The following KCNIP4 variants were observed in gnomAD, a reference collection of about 807,000 sequenced individuals.
KCNIP4 encodes potassium voltage-gated channel interacting protein 4, also known as Kv channel-interacting protein 4.
Under a neutral mutation model 34.0 loss-of-function variants are expected in KCNIP4, and 12 were observed. The observed-to-expected ratio is 0.35, with a 90% CI of 0.23 to 0.57. The LOEUF (loss-of-function observed/expected upper bound fraction) is 0.57. Among genes scored for constraint, KCNIP4 ranks in the 20% least tolerant of loss-of-function variants. KCNIP4 has a pLI of 0.83. For missense variants in KCNIP4, 238 were observed against 311.7 expected (o/e 0.76, Z 1.78); for synonymous variants, 124 against 102.2 (o/e 1.21, Z -1.29).
rs149045764 is a variant in KCNIP4, at chr4:21,924,498, C to T, written c.61+24073G>A. On this transcript the variant is annotated intron_variant, in intron 1 of 8. Transcript: ENST00000382152. Reference sequence around the variant, plus strand: ...TGACCTCATGATCTGTCCGTCTCGGCCTCCCAAAGTGCTGGGATTACAGGT... The same window carrying T: ...TGACCTCATGATCTGTCCGTCTCGGTCTCCCAAAGTGCTGGGATTACAGGT... 7.8e-3 allele frequency among the ~76,000 whole-genome samples: 1,183 copies of T among 152,170 alleles called. 10 individuals carry two copies. The highest frequency in any genetic ancestry group is 0.014 in the South Asian group (66 of 4,820).
rs1369523834 is a variant in KCNIP4, at chr4:21,269,743, TAAATTAG to T, written c.62-387041_62-387035del. Among the ~76,000 whole-genome samples the T allele has an allele frequency of 4.6e-5, 7 of 152,162 alleles. No homozygotes were observed. The South Asian group carries it at 1.2e-3, about 27-fold the overall frequency. ...TGAATACTGCCACATCTCGATAACC[TAAATTAG>T]AAATTTACAGGAAGAGAAGAAATAC... On this transcript the variant is annotated intron_variant, in intron 1 of 8. Coordinates refer to ENST00000382152, the MANE Select transcript of KCNIP4 (RefSeq NM_025221.6).
At chr4:21,779,072 C>T (rs899842883) in intron 1 of KCNIP4, among the ~76,000 whole-genome samples, 21 of 152,014 alleles carry the variant, frequency 1.4e-4, no homozygotes, top group African/African-American at 4.8e-4. Flanking sequence ...TTGCCTCTTC[C>T]TGTTTTCTAT....
chr4:21,112,142 T>C (rs1047977186), intron 1 of KCNIP4, among the ~76,000 whole-genome samples: 1 of 151,952 alleles, frequency 6.6e-6, no homozygotes, highest in Non-Finnish European at 1.5e-5. Flanking sequence ...AAGATCATAG[T>C]CAAGTTTAAG....
intron 6 of KCNIP4, 126 bp from the exon 7 acceptor site, chr4:20,732,911 A>G (rs931569957): frequency 3.3e-6 from 2 of 609,754 alleles, no homozygotes; most frequent in East Asian, 2.8e-5. Context: ...ATTCTTTGTT[A>G]GACGACTGTT....
chr4:21,500,610 G>T (rs1173631419), intron 1 of KCNIP4, among the ~76,000 whole-genome samples: 2 of 152,084 alleles, frequency 1.3e-5, no homozygotes, highest in Non-Finnish European at 2.9e-5. Flanking sequence ...TAGAAAACTT[G>T]TTTAAATGTA....
chr4:21,001,022 A>T (rs1738084813), intron 1 of KCNIP4, among the ~76,000 whole-genome samples: 1 of 152,174 alleles, frequency 6.6e-6, no homozygotes, highest in South Asian at 2.1e-4. Context: ...TGTTTTTCCC[A>T]CTAGGCTCTA....
At chr4:21,856,618 G>C (rs773742564) in intron 1 of KCNIP4, among the ~76,000 whole-genome samples, 1 of 152,172 alleles carries the variant, frequency 6.6e-6, no homozygotes, top group African/African-American at 2.4e-5. Flanking sequence ...TTGGGGGCTG[G>C]AAGTAGGCAG....
At chr4:21,508,380 C>T (rs1460480) in intron 1 of KCNIP4, among the ~76,000 whole-genome samples, 10,793 of 152,122 alleles carry the variant, frequency 0.071, 1,197 homozygotes, top group African/African-American at 0.24. Flanking sequence ...CCAAGCTCAC[C>T]GGAAATATAA....
chr4:21,487,078 G>C (rs1731985200), intron 1 of KCNIP4, among the ~76,000 whole-genome samples: 1 of 152,076 alleles, frequency 6.6e-6, no homozygotes, highest in Non-Finnish European at 1.5e-5. Context: ...TGGGATTACA[G>C]GTGTGAGCCT....
At chr4:20,746,470 A>G (rs1289012702) in intron 5 of KCNIP4, among the ~76,000 whole-genome samples, 1 of 152,008 alleles carries the variant, frequency 6.6e-6, no homozygotes, top group Non-Finnish European at 1.5e-5. Context: ...GTGTATACCT[A>G]TGTGACAAAA....
chr4:21,015,876 A>G (rs1214997443), intron 1 of KCNIP4, among the ~76,000 whole-genome samples: 1 of 141,906 alleles, frequency 7.0e-6, no homozygotes, highest in Non-Finnish European at 1.5e-5. Context: ...ATAAAAATAT[A>G]TAAATATATA....
intron 2 of KCNIP4, among the ~76,000 whole-genome samples, chr4:20,860,623 C>T (rs1172723137): frequency 6.6e-6 from 1 of 152,168 alleles, no homozygotes; most frequent in Non-Finnish European, 1.5e-5. Flanking sequence ...TGAGCCATTA[C>T]TCCTAATGTT....
At chr4:21,347,004 T>A (rs1320874326) in intron 1 of KCNIP4, among the ~76,000 whole-genome samples, 1 of 152,156 alleles carries the variant, frequency 6.6e-6, no homozygotes, top group African/African-American at 2.4e-5. Context: ...AACACCAATA[T>A]AATGGTTAAG....
At chr4:21,318,566 T>C (rs1308834244) in intron 1 of KCNIP4, among the ~76,000 whole-genome samples, 6 of 152,206 alleles carry the variant, frequency 3.9e-5, no homozygotes, top group Non-Finnish European at 2.9e-5. Context: ...TTGAGAGTTA[T>C]GCATTGTGTA....
intron 1 of KCNIP4, among the ~76,000 whole-genome samples, chr4:21,170,282 A>G (rs1361297278): frequency 6.6e-6 from 1 of 152,220 alleles, no homozygotes; most frequent in Non-Finnish European, 1.5e-5. Context: ...AAAGGGAAGT[A>G]TTTTTATATA....
chr4:21,325,614 T>C lies in KCNIP4; in HGVS notation c.62-442905A>G, dbSNP rs1385517875. ...TTCTTTTCATTTATTTCTGCTCTGA[T>C]CTTTATTACTTCTTCTACTAACTTT... is the stretch of plus-strand genomic sequence containing the variant. On this transcript the variant is annotated intron_variant, in intron 1 of 8. Transcript: ENST00000382152. 2.0e-5 allele frequency among the ~76,000 whole-genome samples: 3 copies of C among 151,852 alleles called. No individual in the cohort carries two copies. The East Asian group carries it at 5.8e-4, about 29-fold the overall frequency.
In KCNIP4 at chr4:21,370,624, G is replaced by C. The variant is rs367548421; in HGVS notation, c.62-487915C>G. Among the ~76,000 whole-genome samples the C allele has an allele frequency of 5.7e-4, 81 of 141,738 alleles. 8 individuals are homozygous for C. In the East Asian group the frequency reaches 0.012, roughly 21 times the overall value. 93.0% of individuals were successfully genotyped at this position (141,738 alleles called of 152,430 possible). ...TTTTCTGGTTTTAAATGGATAGTCA[G>C]GGAAGGCTTAGCCAAGAAGATGATA... On this transcript the variant is annotated intron_variant, in intron 1 of 8. Coordinates refer to ENST00000382152, the MANE Select transcript of KCNIP4 (RefSeq NM_025221.6).
chr4:21,319,296 A>C (rs1386799876), intron 1 of KCNIP4, among the ~76,000 whole-genome samples: 2 of 152,254 alleles, frequency 1.3e-5, no homozygotes, highest in East Asian at 3.8e-4. Flanking sequence ...GTCTGCAGTC[A>C]GAATGGACTT....
At chr4:20,986,760 G>A (rs1246925833) in intron 1 of KCNIP4, among the ~76,000 whole-genome samples, 4 of 152,084 alleles carry the variant, frequency 2.6e-5, no homozygotes, top group Admixed American at 6.5e-5. Flanking sequence ...TCATTTTCCA[G>A]GATTGAAATT....
Sources: allele counts gnomAD v4.1 joint callset (sites outside exome capture counted in the v4.1 genomes callset), GRCh38; gene constraint gnomAD v4.1.1; transcripts MANE v1.5; gene names NCBI Gene and HGNC (gene_info 2026-07-23, HGNC 2026-07-21).